IGSF21: variants seen among roughly 807,000 people sequenced by gnomAD.
The protein encoded by IGSF21 is immunoglobulin superfamily member 21.
IGSF21 carries 28 observed loss-of-function variants against 46.8 expected under a neutral mutation model. That is an observed-to-expected ratio of 0.60 (90% CI 0.44 to 0.82). The LOEUF is 0.82. Ranked by LOEUF, IGSF21 falls within the 40% of genes least tolerant of loss-of-function variation. The pLI, the probability that IGSF21 is intolerant of heterozygous loss-of-function variation, is 0.00. For missense variants in IGSF21, 624 were observed against 665.5 expected (o/e 0.94, Z 0.69); for synonymous variants, 284 against 273.6 (o/e 1.04, Z -0.38).
Position 18,159,765 on chromosome 1 carries a change from C to T in IGSF21, c.70+51567C>T, listed in dbSNP as rs182817039. On this transcript the variant is annotated intron_variant, in intron 1 of 9. Coordinates refer to ENST00000251296, the MANE Select transcript of IGSF21 (RefSeq NM_032880.5). Reference sequence around the variant, plus strand: ...TGGTGTGATCTCGGCTCACTGCAACCTCCACCTCCCAGGTTCAAGCCATTC... The same window carrying T: ...TGGTGTGATCTCGGCTCACTGCAACTTCCACCTCCCAGGTTCAAGCCATTC... Among the ~76,000 whole-genome samples, 384 of 150,636 alleles carry T rather than the reference C, an allele frequency of 2.5e-3. 1 individual carries two copies. The highest frequency in any genetic ancestry group is 4.5e-3 in the Admixed American group (67 of 15,050).
chr1:18,111,895 T>C (rs188264611), intron 1 of IGSF21: 1 of 152,188 alleles, frequency 6.6e-6, no homozygotes, highest in Admixed American at 6.5e-5. Flanking sequence ...GGGCAGGGCA[T>C]GTGAGTAGAG....
intron 2 of IGSF21, among the ~76,000 whole-genome samples, chr1:18,276,873 G>A (rs1355042937): frequency 3.3e-5 from 5 of 152,210 alleles, no homozygotes; most frequent in Admixed American, 6.5e-5. Context: ...ACTAACAGGT[G>A]CATGGGACCA....
At chr1:18,224,298 G>A (rs1030977416) in intron 1 of IGSF21, among the ~76,000 whole-genome samples, 11 of 152,140 alleles carry the variant, frequency 7.2e-5, no homozygotes, top group African/African-American at 2.7e-4. Flanking sequence ...GGCACTGTGA[G>A]CACACACTCC....
chr1:18,139,305 G>A (rs1342482884), intron 1 of IGSF21, among the ~76,000 whole-genome samples: 1 of 152,152 alleles, frequency 6.6e-6, no homozygotes, highest in Non-Finnish European at 1.5e-5. Context: ...CTGAACCAGA[G>A]GGATGGGAGC....
chr1:18,289,559 C>G (rs931525482), intron 2 of IGSF21, among the ~76,000 whole-genome samples: 1 of 152,174 alleles, frequency 6.6e-6, no homozygotes, highest in Non-Finnish European at 1.5e-5. Context: ...CTTGTCTATT[C>G]GGCTCTGTTC....
At chr1:18,213,254 G>A (rs185573508) in intron 1 of IGSF21, among the ~76,000 whole-genome samples, 1 of 151,998 alleles carries the variant, frequency 6.6e-6, no homozygotes, top group African/African-American at 2.4e-5. Flanking sequence ...GAACGTTATT[G>A]AATTCCCACT....
At chr1:18,313,170 C>T (rs890496882) in intron 3 of IGSF21, among the ~76,000 whole-genome samples, 4 of 152,238 alleles carry the variant, frequency 2.6e-5, no homozygotes, top group South Asian at 2.1e-4. Flanking sequence ...GGAGGACCGC[C>T]GGGAGGAAGG....
At chr1:18,225,083 TCTCACACACACACACACACACACA>T (rs1231369745) in intron 1 of IGSF21, among the ~76,000 whole-genome samples, 1 of 54,858 alleles carries the variant, frequency 1.8e-5, no homozygotes, top group Non-Finnish European at 4.0e-5. Context: ...TCTCTCTCTC[TCTCACACACACACACACACACACA>T]CACACACACA....
intron 2 of IGSF21, among the ~76,000 whole-genome samples, chr1:18,252,730 C>T (rs2084854546): frequency 6.6e-6 from 1 of 152,156 alleles, no homozygotes; most frequent in Admixed American, 6.5e-5. Context: ...TGCTCTTTTT[C>T]CTTCTTGTGC....
At chr1:18,300,592 C>T (rs2085351536) in intron 3 of IGSF21, among the ~76,000 whole-genome samples, 1 of 152,204 alleles carries the variant, frequency 6.6e-6, no homozygotes, top group African/African-American at 2.4e-5. Context: ...CAGTCATTAG[C>T]AAAGCAATAA....
chr1:18,209,613 C>T (rs925636185), intron 1 of IGSF21, among the ~76,000 whole-genome samples: 3 of 144,898 alleles, frequency 2.1e-5, no homozygotes, highest in Admixed American at 6.9e-5. Context: ...CGCCACCACA[C>T]CTGGCTAATT....
At chr1:18,319,503 G>C (rs986862675) in intron 3 of IGSF21, among the ~76,000 whole-genome samples, 1 of 151,712 alleles carries the variant, frequency 6.6e-6, no homozygotes, top group East Asian at 1.9e-4. Context: ...TACACAGGCT[G>C]TAAGCCCGTG....
intron 4 of IGSF21, among the ~76,000 whole-genome samples, chr1:18,342,066 TTTG>T (rs869282981): frequency 2.3e-4 from 28 of 124,416 alleles, no homozygotes; most frequent in African/African-American, 6.5e-4. Flanking sequence ...TTTTTTTTTT[TTTG>T]TTTGTTTGTT....
At position 18,373,783 on chromosome 1, in the gene IGSF21, GC is replaced by G. The variant is rs530018216; in HGVS notation, c.1016-2521del. Among the ~76,000 whole-genome samples the G allele has an allele frequency of 1.0e-3, 153 of 152,268 alleles. 5 individuals carry two copies. The South Asian group carries it at 0.03, about 30-fold the overall frequency. On this transcript the variant is annotated intron_variant, in intron 6 of 9. Coordinates refer to ENST00000251296, the MANE Select transcript of IGSF21 (RefSeq NM_032880.5). ...ATAGCATGACCTTGGACAAGCCACT[GC>G]CCCCCTGGAGGGCCAGTTCTATGAC...
intron 1 of IGSF21, among the ~76,000 whole-genome samples, chr1:18,222,626 C>A (rs1454735071): frequency 2.0e-5 from 3 of 152,162 alleles, no homozygotes; most frequent in African/African-American, 7.2e-5. Context: ...CATAACTTGC[C>A]CAGGTCGCTA....
intron 1 of IGSF21, among the ~76,000 whole-genome samples, chr1:18,126,030 T>C (rs1460262387): frequency 6.6e-6 from 1 of 152,130 alleles, no homozygotes; most frequent in South Asian, 2.1e-4. Context: ...TTCTGAGAGC[T>C]GAGTGGGGCC....
At chr1:18,304,076 G>A (rs9651254) in intron 3 of IGSF21, among the ~76,000 whole-genome samples, 3,881 of 152,250 alleles carry the variant, frequency 0.025, 190 homozygotes, top group African/African-American at 0.088. Flanking sequence ...GATGAATTAG[G>A]AAGCAGACCT....
intron 1 of IGSF21, among the ~76,000 whole-genome samples, chr1:18,153,901 G>A (rs746344519): frequency 6.6e-6 from 1 of 152,184 alleles, no homozygotes; most frequent in Non-Finnish European, 1.5e-5. Flanking sequence ...CCCTCATGCA[G>A]CCCTGAGCCC....
intron 6 of IGSF21, among the ~76,000 whole-genome samples, chr1:18,375,748 C>A (rs2124640454): frequency 6.6e-6 from 1 of 152,290 alleles, no homozygotes; most frequent in African/African-American, 2.4e-5. Flanking sequence ...TCTTGGCTCT[C>A]CTCAAGGTGT....
Sources: allele counts gnomAD v4.1 joint callset (sites outside exome capture counted in the v4.1 genomes callset), GRCh38; gene constraint gnomAD v4.1.1; transcripts MANE v1.5; gene names NCBI Gene and HGNC (gene_info 2026-07-23, HGNC 2026-07-21).